The following RTL9 variants were observed in gnomAD, a reference collection of about 807,000 sequenced individuals.
RTL9 encodes retrotransposon Gag like 9, also known as retrotransposon Gag-like protein 9.
RTL9 carries 19 observed loss-of-function variants against 44.7 expected under a neutral mutation model. The observed-to-expected ratio is 0.42, with a 90% CI of 0.30 to 0.62. The LOEUF is 0.62. RTL9 is among the 20% of genes least tolerant of loss of function. The pLI is 0.16. For missense variants in RTL9, 1,105 were observed against 1,080.6 expected (o/e 1.02, Z -0.32); for synonymous variants, 407 against 398.9 (o/e 1.02, Z -0.24).
At chrX:110,446,991 T>G (rs1230347946), upstream of RTL9, among the ~76,000 whole-genome samples, 1 of 110,587 alleles carries the variant, frequency 9.0e-6, no homozygotes, top group Non-Finnish European at 1.9e-5. Context: ...TGAGATCATA[T>G]AGGTAAAGCA....
At chrX:110,380,826 T>TA (rs772447604) in intron 1 of RTL9, among the ~76,000 whole-genome samples, 4 of 112,045 alleles carry the variant, frequency 3.6e-5, no homozygotes, top group African/African-American at 1.3e-4. Context: ...ACAAAGTTGA[T>TA]AAAAAATAAG....
chrX:110,449,197 C>T (rs974774362), upstream of RTL9, among the ~76,000 whole-genome samples: 3 of 110,725 alleles, frequency 2.7e-5, no homozygotes, highest in African/African-American at 9.9e-5. Flanking sequence ...TGCAGGCAAA[C>T]TATTAAGCTT....
chrX:110,438,673 C>A (rs2068857171), intron 1 of RTL9, among the ~76,000 whole-genome samples: 1 of 111,075 alleles, frequency 9.0e-6, no homozygotes, highest in Admixed American at 9.5e-5. Context: ...AGGTGGAATT[C>A]CTGTCTTGAT....
At chrX:110,415,401 T>A (rs1262864462), upstream of RTL9, among the ~76,000 whole-genome samples, 1 of 112,118 alleles carries the variant, frequency 8.9e-6, no homozygotes, top group African/African-American at 3.2e-5. Context: ...AGAGTTGTGT[T>A]AGAGTGGTGA....
exon 1 of RTL9, chrX:110,453,872 A>G: frequency 8.3e-7 from 1 of 1,211,947 alleles, no homozygotes; most frequent in East Asian, 3.0e-5. Flanking sequence ...TGTCCACACC[A>G]CAGACAGCCT....
intron 1 of RTL9, among the ~76,000 whole-genome samples, chrX:110,363,806 T>C (rs1237499292): frequency 9.0e-6 from 1 of 111,297 alleles, no homozygotes; most frequent in East Asian, 2.8e-4. Flanking sequence ...ATATAACAAG[T>C]GCCTACAGAG....
chrX:110,438,750 C>T (rs1264157057), intron 1 of RTL9, among the ~76,000 whole-genome samples: 1 of 111,338 alleles, frequency 9.0e-6, no homozygotes, highest in Admixed American at 9.5e-5. Context: ...CCTTTTAGAA[C>T]ACAAATTAGA....
exon 1 of RTL9, chrX:110,453,345 A>G: frequency 8.3e-7 from 1 of 1,211,861 alleles, no homozygotes; most frequent in East Asian, 3.0e-5. Flanking sequence ...CTCTGGAACT[A>G]TGTCCACACC....
chrX:110,449,064 G>A (rs2068924547), upstream of RTL9, among the ~76,000 whole-genome samples: 1 of 110,274 alleles, frequency 9.1e-6, no homozygotes, highest in Non-Finnish European at 1.9e-5. Context: ...GGGTTGTCCA[G>A]GCTGGAGACA....
intron 1 of RTL9, among the ~76,000 whole-genome samples, chrX:110,425,981 C>T (rs1437569803): frequency 4.9e-5 from 5 of 102,872 alleles, no homozygotes; most frequent in Admixed American, 2.0e-4. Context: ...TGCGTGCGCG[C>T]ACACACACAC....
intron 1 of RTL9, among the ~76,000 whole-genome samples, chrX:110,372,101 C>A (rs1379512501): frequency 9.0e-6 from 1 of 111,576 alleles, no homozygotes; most frequent in African/African-American, 3.3e-5. Flanking sequence ...ATTCCCCCAC[C>A]TCTTTGAGAA....
At position 110,381,677 on chromosome X, in the gene RTL9, G is replaced by A. The variant is rs1198557270; in HGVS notation, c.-168+22761G>A. Among the ~76,000 whole-genome samples, 5 of 111,505 alleles carry A rather than the reference G, an allele frequency of 4.5e-5. No homozygotes were observed. The Admixed American group carries it at 4.8e-4, about 11-fold the overall frequency. ...GTAAAGACATGGAATCAACATAGGTGCCCATTGATAGTGGATCGGATAAAG... is the reference window on the plus strand; with the variant it reads ...GTAAAGACATGGAATCAACATAGGTACCCATTGATAGTGGATCGGATAAAG... On this transcript the variant is annotated intron_variant, in intron 1 of 2. Coordinates refer to the RTL9 transcript ENST00000520821.
chrX:110,373,127 G>A (rs757123503), intron 1 of RTL9, among the ~76,000 whole-genome samples: 44 of 111,910 alleles, frequency 3.9e-4, no homozygotes, highest in Admixed American at 1.1e-3. Context: ...TAAGTAGGGA[G>A]TAAAACGTTT....
exon 1 of RTL9, chrX:110,451,310 A>G: frequency 8.3e-7 from 1 of 1,211,958 alleles, no homozygotes. Context: ...CAATGTCCCC[A>G]TTGCAAATTA....
At chrX:110,450,634 A>G (rs2068933222) in exon 1 of RTL9, 1 of 1,209,941 alleles carries the variant, frequency 8.3e-7, no homozygotes, top group Non-Finnish European at 1.1e-6. Flanking sequence ...ATACCCTTAC[A>G]TTCACTGCGA....
chrX:110,428,792 A>G (rs189767955), intron 1 of RTL9, among the ~76,000 whole-genome samples: 1 of 112,189 alleles, frequency 8.9e-6, no homozygotes, highest in East Asian at 2.8e-4. Context: ...CAGCCACATC[A>G]TCTGAGGGTC....
intron 1 of RTL9, among the ~76,000 whole-genome samples, chrX:110,420,760 G>T (rs2068711569): frequency 9.0e-6 from 1 of 111,473 alleles, no homozygotes; most frequent in Non-Finnish European, 1.9e-5. Flanking sequence ...TTCCCAACTG[G>T]CCTCCGTCGT....
At chrX:110,373,955 G>T (rs944892747) in intron 1 of RTL9, among the ~76,000 whole-genome samples, 1 of 111,509 alleles carries the variant, frequency 9.0e-6, no homozygotes, top group African/African-American at 3.3e-5. Context: ...AAATAGAGCC[G>T]AGATAATCAT....
chrX:110,362,406 C>G (rs191040654), intron 1 of RTL9, among the ~76,000 whole-genome samples: 1 of 112,193 alleles, frequency 8.9e-6, no homozygotes, highest in African/African-American at 3.2e-5. Flanking sequence ...AATAATAACT[C>G]AAATACTCTG....
Sources: allele counts gnomAD v4.1 joint callset (sites outside exome capture counted in the v4.1 genomes callset), GRCh38; gene constraint gnomAD v4.1.1; transcripts MANE v1.5; gene names NCBI Gene and HGNC (gene_info 2026-07-23, HGNC 2026-07-21).